The following PPFIA3 variants were observed in gnomAD, a reference collection of about 807,000 sequenced individuals.
The protein encoded by PPFIA3 is liprin-alpha-3.
Under a neutral mutation model 145.8 loss-of-function variants are expected in PPFIA3, and 26 were observed. The ratio of observed to expected loss-of-function variants is 0.18; its 90% CI spans 0.13 to 0.25. The LOEUF (loss-of-function observed/expected upper bound fraction) is 0.25, where lower values mean the gene tolerates loss of function less well. Among genes scored for constraint, PPFIA3 ranks in the 10% least tolerant of loss-of-function variants. PPFIA3 has a pLI of 1.00. For synonymous variants in PPFIA3, 645 were observed against 661.4 expected, an observed-to-expected ratio of 0.98 and a Z score of 0.38; for missense variants, 1,008 against 1,587.8, an observed-to-expected ratio of 0.63 and a Z score of 6.21.
At position 49,133,450 on chromosome 19, in the gene PPFIA3, G is replaced by T. The variant is rs1223701824; in HGVS notation, c.1161+79G>T. On this transcript the variant is annotated intron_variant, in intron 9 of 29. Coordinates refer to ENST00000334186, the MANE Select transcript of PPFIA3 (RefSeq NM_003660.4). The surrounding 1 kb of genome is among the most constrained non-coding windows in gnomAD (Gnocchi z 7.2). Reference sequence around the variant, plus strand: ...GGAGGCGGGGCCGTGAATCTGGAGGGGTAGGAGCGAGGTCAGAACCCCGGA... The same window carrying T: ...GGAGGCGGGGCCGTGAATCTGGAGGTGTAGGAGCGAGGTCAGAACCCCGGA... The T allele has an allele frequency of 4.1e-6, 6 of 1,457,226 alleles. No individual in the cohort carries two copies. The African/African-American group carries it at 5.7e-5, about 14-fold the overall frequency. The allele number at this position is 1,457,226 out of a possible 1,614,324, so 90.3% of individuals were successfully genotyped here.
chr19:49,137,162 A>G (rs1449717100), intron 15 of PPFIA3: 1 of 381,942 alleles, frequency 2.6e-6, no homozygotes, highest in Non-Finnish European at 4.7e-6. Context: ...CTGCATCCCC[A>G]AATAGCCCAG....
At chr19:49,147,937 G>A (rs1008837968) in intron 23 of PPFIA3, 146 bp from the exon 24 acceptor site, 22 of 777,540 alleles carry the variant, frequency 2.8e-5, no homozygotes, top group African/African-American at 2.4e-4. Flanking sequence ...CTCTGGATTG[G>A]TCCATTATCC....
chr19:49,121,226 A>G (rs1426635226), intron 1 of PPFIA3, among the ~76,000 whole-genome samples: 1 of 152,146 alleles, frequency 6.6e-6, no homozygotes, highest in South Asian at 2.1e-4. Flanking sequence ...CCGAACACAC[A>G]TCACCTCCTC....
At chr19:49,148,456 G>T in intron 24 of PPFIA3, 198 bp downstream of exon 24, 1 of 775,964 alleles carries the variant, frequency 1.3e-6, no homozygotes, top group South Asian at 1.9e-5. Context: ...AAATGGCTTG[G>T]CTAGTTAACC....
Position 49,130,384 on chromosome 19 carries a change from G to T in PPFIA3, c.664G>T (p.Ala222Ser). 6.2e-7 allele frequency: 1 copy of T among 1,604,794 alleles called. No homozygotes were observed. The highest frequency in any genetic ancestry group is 8.5e-7 in the Non-Finnish European group (1 of 1,175,544). Reference sequence around the variant, plus strand: ...CCTCCTTCCCTCACTCCAGACTCTTGCCAATGGCCTGGGTCCTGGCGGGGA... The same window carrying T: ...CCTCCTTCCCTCACTCCAGACTCTTTCCAATGGCCTGGGTCCTGGCGGGGA... ...PGKDGDGQTLANGLGPGGDSN... is the reference protein window; with the variant it reads ...PGKDGDGQTLSNGLGPGGDSN... The change falls in exon 7 of 30, where the codon GCC (alanine) becomes TCC (serine). Residue 222 changes from alanine to serine, a missense_variant. Physicochemically the swap from Ala to Ser is moderately conservative, Grantham distance 99. Around this residue, in one of 11 missense-constraint regions of PPFIA3, gnomAD observed 136 missense variants for 160.7 expected, o/e 0.85. Coordinates refer to ENST00000334186, the MANE Select transcript of PPFIA3 (RefSeq NM_003660.4). This position sits in a 1 kb window ranked among gnomAD's most constrained non-coding sequence, Gnocchi z 4.5.
chr19:49,146,421 A>C, intron 23 of PPFIA3: 1 of 599,204 alleles, frequency 1.7e-6, no homozygotes, highest in Non-Finnish European at 2.9e-6. Context: ...TTATGCATGG[A>C]CCATTTCATC....
In PPFIA3 at chr19:49,138,243, C is replaced by T. The variant is rs773638396; in HGVS notation, c.1892C>T (p.Ala631Val). ...GAGAAGGAGACAACAGAACAGAGGG[C>T]AGAGGAGCTGGAGAGTCGGGTGTCC... The part of the protein sequence containing the change: ...QEEKETTEQR[A>V]EELESRVSSS... Residue 631 changes from alanine (A) to valine (V), a missense_variant, in exon 16 of 30, where the codon GCA becomes GTA. Ala to Val is a moderately conservative substitution (Grantham distance 64). Coordinates refer to ENST00000334186, the MANE Select transcript of PPFIA3 (RefSeq NM_003660.4). 6.2e-7 allele frequency: 1 copy of T among 1,611,590 alleles called. No individual in the cohort carries two copies. The highest frequency in any genetic ancestry group is 8.5e-7 in the Non-Finnish European group (1 of 1,178,264).
rs1333969493 is a variant in PPFIA3 at position 49,142,071 on chromosome 19, C to A, written c.2500C>A (p.Pro834Thr). 3 of 1,577,992 alleles carry A rather than the reference C, an allele frequency of 1.9e-6. No homozygotes were observed. Among genetic ancestry groups the A allele is most frequent in the Non-Finnish European group, 2.6e-6 (3 of 1,161,730 alleles). ...LLEEACRQGLPFAAWDGPTVV... is the reference protein window; with the variant it reads ...LLEEACRQGLTFAAWDGPTVV... ...GGAGGAGGCCTGCCGCCAGGGCCTACCTTTTGCTGCCTGGGACGGGCCCAC... is the reference window on the plus strand; with the variant it reads ...GGAGGAGGCCTGCCGCCAGGGCCTAACTTTTGCTGCCTGGGACGGGCCCAC... Residue 834 changes from proline (P) to threonine (T), a missense_variant, in exon 20 of 30, where the codon CCT becomes ACT. Around this residue, in one of 11 missense-constraint regions of PPFIA3, gnomAD observed 154 missense variants for 369.2 expected, o/e 0.42. Transcript: ENST00000334186.
At chr19:49,122,300 C>G (rs1252625144) in intron 1 of PPFIA3, among the ~76,000 whole-genome samples, 1 of 152,046 alleles carries the variant, frequency 6.6e-6, no homozygotes. Flanking sequence ...TCAGACTAGT[C>G]TCGAGTTCCC....
chr19:49,142,774 C>G, intron 20 of PPFIA3, 30 bp from the exon 21 acceptor site: 2 of 1,582,870 alleles, frequency 1.3e-6, no homozygotes, highest in Non-Finnish European at 1.7e-6. Context: ...GTCCCTCTGT[C>G]CCCTCTGTCC....
Position 49,150,399 on chromosome 19 carries a change from G to GCCTGGA in PPFIA3, c.*180_*185dup. On this transcript the variant is annotated 3_prime_UTR_variant, in exon 30 of 30. Transcript: ENST00000334186. The stretch of plus-strand genomic sequence containing the variant: ...CGCGCCCGCCTCGCACAGGGCCGGG[G>GCCTGGA]CCTGGACCAAACCACATGAACTGGA... The GCCTGGA allele has an allele frequency of 4.6e-6, 2 of 437,770 alleles. No homozygotes were observed. Among genetic ancestry groups the GCCTGGA allele is most frequent in the Non-Finnish European group, 8.3e-6 (2 of 242,184 alleles). 27.1% of individuals were successfully genotyped at this position (437,770 alleles called of 1,614,324 possible).
chr19:49,148,544 ATAG>A, intron 24 of PPFIA3, 119 bp from the exon 25 acceptor site: 1 of 840,992 alleles, frequency 1.2e-6, no homozygotes, highest in Non-Finnish European at 1.9e-6. Context: ...TCAACAGTCA[ATAG>A]AACTTATCAG....
intron 29 of PPFIA3, 34 bp from the exon 30 acceptor site, chr19:49,150,202 T>C: frequency 1.4e-6 from 2 of 1,463,936 alleles, no homozygotes; most frequent in East Asian, 2.4e-5. Context: ...ACGGTGGATC[T>C]TCACTGCTCC....
chr19:49,137,020 A>G, intron 15 of PPFIA3, 109 bp downstream of exon 15: 1 of 1,089,490 alleles, frequency 9.2e-7, no homozygotes, highest in Non-Finnish European at 1.3e-6. Flanking sequence ...TACACCATCC[A>G]CAAGGAATTC....
chr19:49,142,074 T>C lies in PPFIA3; in HGVS notation c.2503T>C (p.Phe835Leu). The change falls in exon 20 of 30, where the codon TTT (phenylalanine) becomes CTT (leucine). Residue 835 changes from phenylalanine (F) to leucine (L), a missense_variant. This residue lies in a region of PPFIA3 where 154 missense variants were observed against 369.2 expected (regional missense o/e 0.42). Coordinates refer to ENST00000334186, the MANE Select transcript of PPFIA3 (RefSeq NM_003660.4). ...LEEACRQGLP[F>L]AAWDGPTVVS... The stretch of plus-strand genomic sequence containing the variant: ...GGAGGCCTGCCGCCAGGGCCTACCT[T>C]TTGCTGCCTGGGACGGGCCCACCGT... The C allele has an allele frequency of 6.3e-7, 1 of 1,578,774 alleles. No individual in the cohort carries two copies. The highest frequency in any genetic ancestry group is 8.6e-7 in the Non-Finnish European group (1 of 1,162,120).
chr19:49,146,632 T>G (rs1003654169), intron 23 of PPFIA3, among the ~76,000 whole-genome samples: 9 of 152,200 alleles, frequency 5.9e-5, no homozygotes, highest in African/African-American at 2.2e-4. Flanking sequence ...CACTTTGTTC[T>G]CAAGAAACAA....
intron 15 of PPFIA3, among the ~76,000 whole-genome samples, chr19:49,137,795 C>T (rs2041159676): frequency 6.6e-6 from 1 of 152,124 alleles, no homozygotes; most frequent in African/African-American, 2.4e-5. Context: ...ACTTTCCATA[C>T]CAAATGAGTC....
In PPFIA3 at chr19:49,119,593, C is replaced by T. The variant is rs2040905843; in HGVS notation, c.-145C>T. The T allele has an allele frequency of 1.3e-5, 2 of 153,962 alleles. No homozygotes were observed. The highest frequency in any genetic ancestry group is 3.6e-4 in the South Asian group (2 of 5,518). The allele number at this position is 153,962 out of a possible 1,614,324, so 9.5% of individuals were successfully genotyped here. On this transcript the variant is annotated 5_prime_UTR_variant, in exon 1 of 30. Transcript: ENST00000334186. ...GCGGAGCCCGCGCGAGCGTCGGAGA[C>T]AGGGCTCCAGGGCTCCGAAGCGACA...
Position 49,132,988 on chromosome 19 carries a change from G to A in PPFIA3, c.880-13G>A, listed in dbSNP as rs780893565. 10 of 1,608,446 alleles carry A rather than the reference G, an allele frequency of 6.2e-6. No individual in the cohort carries two copies. The East Asian group carries it at 2.2e-4, about 36-fold the overall frequency. On this transcript the variant is annotated splice_polypyrimidine_tract_variant and intron_variant, in intron 7 of 29. Transcript: ENST00000334186. ...GGGCTCGCAGTCCACGGGGCCCTTTGCTACCTCCGCAGGCGCTGGCGCAGC... is the reference window on the plus strand; with the variant it reads ...GGGCTCGCAGTCCACGGGGCCCTTTACTACCTCCGCAGGCGCTGGCGCAGC...
Sources: allele counts gnomAD v4.1 joint callset (sites outside exome capture counted in the v4.1 genomes callset), GRCh38; gene constraint gnomAD v4.1.1; regional missense constraint gnomAD v4.1.1; non-coding constraint Gnocchi (gnomAD v3.1); transcripts MANE v1.5; gene names NCBI Gene and HGNC (gene_info 2026-07-23, HGNC 2026-07-21).